CLK3: variants seen among roughly 807,000 people sequenced by gnomAD.
CLK3 encodes dual specificity protein kinase CLK3.
In CLK3, 24 loss-of-function variants were observed where a neutral mutation model predicts 65.2. The observed-to-expected ratio is 0.37, with a 90% CI of 0.27 to 0.52. The LOEUF (loss-of-function observed/expected upper bound fraction) is 0.52. Among genes scored for constraint, CLK3 ranks in the 20% least tolerant of loss-of-function variants. CLK3 has a pLI of 0.92. For missense variants in CLK3, 506 were observed against 660.0 expected (o/e 0.77, Z 2.56); for synonymous variants, 252 against 240.8 (o/e 1.05, Z -0.43).
Position 74,621,910 on chromosome 15 carries a change from C to CT in CLK3, c.370-210_370-209insT, listed in dbSNP as rs1333063520. On this transcript the variant is annotated intron_variant, in intron 3 of 12. Coordinates refer to ENST00000395066, the MANE Select transcript of CLK3 (RefSeq NM_001130028.2). The surrounding 1 kb of genome is among the most constrained non-coding windows in gnomAD (Gnocchi z 4.8). ...GTTTTTACTTTTCTGTTTTTGAAGT[C>CT]AGTTTGTGTCTTGACGTGTCCCTTG... is the stretch of plus-strand genomic sequence containing the variant. The CT allele has an allele frequency of 1.6e-6, 1 of 627,200 alleles. No individual in the cohort carries two copies. Among genetic ancestry groups the CT allele is most frequent in the Non-Finnish European group, 3.0e-6 (1 of 335,448 alleles). 38.9% of individuals were successfully genotyped at this position (627,200 alleles called of 1,614,324 possible). A position where few individuals can be genotyped will look rare whatever the true frequency, so the allele number is the denominator to read the frequency against.
At chr15:74,628,580 T>G (rs754891271) in intron 10 of CLK3, 24 bp from the exon 11 acceptor site, 5 of 1,590,010 alleles carry the variant, frequency 3.1e-6, no homozygotes, top group Non-Finnish European at 4.3e-6. Flanking sequence ...CTGACCCCCT[T>G]GCACTGTCCC....
chr15:74,619,311 C>A lies in CLK3; in HGVS notation c.115C>A (p.Arg39=). 1 of 1,614,124 alleles carries A rather than the reference C, an allele frequency of 6.2e-7. No homozygotes were observed. Among genetic ancestry groups the A allele is most frequent in the Non-Finnish European group, 8.5e-7 (1 of 1,179,988 alleles). Residue 39 remains arginine (R), a synonymous_variant, in exon 2 of 13, where the codon CGA becomes AGA. Coordinates refer to ENST00000395066, the MANE Select transcript of CLK3 (RefSeq NM_001130028.2). The part of the protein sequence containing the change: ...EHEGRLRYPS[R]REPPPRRSRS... ...TGAAGGGAGACTGCGATACCCGTCC[C>A]GAAGGGAGCCTCCCCCACGAAGATC... is the stretch of plus-strand genomic sequence containing the variant.
At chr15:74,619,853 C>T in intron 2 of CLK3, 156 bp from the exon 3 acceptor site, 1 of 1,276,894 alleles carries the variant, frequency 7.8e-7, no homozygotes, top group Non-Finnish European at 1.1e-6. Flanking sequence ...GGCTTAGTAC[C>T]TTTGCACCCT....
chr15:74,609,722 CTCTGCTCTTGGA>C (rs2061964385), intron 1 of CLK3, among the ~76,000 whole-genome samples: 1 of 152,264 alleles, frequency 6.6e-6, no homozygotes, highest in Non-Finnish European at 1.5e-5. Context: ...TCCATCCCAG[CTCTGCTCTTGGA>C]TCTGCAGGCC....
chr15:74,627,496 C>T lies in CLK3; in HGVS notation c.913-43C>T. ...CCCTGTTTCAGGGGTGGGTTACCCG[C>T]TGGTGCAGACTCCTGACCTGGCAGG... On this transcript the variant is annotated intron_variant, in intron 8 of 12. Transcript: ENST00000395066. The surrounding 1 kb of genome is among the most constrained non-coding windows in gnomAD (Gnocchi z 4.3). The T allele has an allele frequency of 6.2e-7, 1 of 1,614,210 alleles. No individual in the cohort carries two copies. Among genetic ancestry groups the T allele is most frequent in the East Asian group, 2.2e-5 (1 of 44,888 alleles).
rs1015638003 is a variant in CLK3 at position 74,621,193 on chromosome 15, G to C, written c.370-927G>C. The C allele has an allele frequency of 6.6e-6, 1 of 152,588 alleles. No individual in the cohort carries two copies. Among genetic ancestry groups the C allele is most frequent in the Non-Finnish European group, 1.5e-5 (1 of 68,318 alleles). 9.5% of individuals were successfully genotyped at this position (152,588 alleles called of 1,614,324 possible). On this transcript the variant is annotated intron_variant, in intron 3 of 12. Coordinates refer to ENST00000395066, the MANE Select transcript of CLK3 (RefSeq NM_001130028.2). The surrounding 1 kb of genome is among the most constrained non-coding windows in gnomAD (Gnocchi z 4.8). The stretch of plus-strand genomic sequence containing the variant: ...GGTTGACTGTGCGGGCGATTGCAGC[G>C]TGGCCCTTTCACCTCTTTGCACACT...
Position 74,624,528 on chromosome 15 carries a change from G to GTC in CLK3, c.534-374_534-373insTC. On this transcript the variant is annotated intron_variant, in intron 5 of 12. Transcript: ENST00000395066. The surrounding 1 kb of genome is among the most constrained non-coding windows in gnomAD (Gnocchi z 4.2). ...AGGCGCCGCAGGAGGGTTCTCGGTG[G>GTC]GACAGCCTGGCCAGGGTTGGGGCTG... The GTC allele has an allele frequency of 1.3e-5, 3 of 225,002 alleles. No individual in the cohort carries two copies. Among genetic ancestry groups the GTC allele is most frequent in the South Asian group, 1.0e-4 (1 of 9,908 alleles). The allele number at this position is 225,002 out of a possible 1,614,324, so 13.9% of individuals were successfully genotyped here. A position where few individuals can be genotyped will look rare whatever the true frequency, so the allele number is the denominator to read the frequency against.
chr15:74,627,508 C>T lies in CLK3; in HGVS notation c.913-31C>T. The T allele has an allele frequency of 6.2e-7, 1 of 1,614,218 alleles. No homozygotes were observed. Among genetic ancestry groups the T allele is most frequent in the Non-Finnish European group, 8.5e-7 (1 of 1,180,032 alleles). ...GGTGGGTTACCCGCTGGTGCAGACT[C>T]CTGACCTGGCAGGCCTGCCTTGCCT... On this transcript the variant is annotated intron_variant, in intron 8 of 12. Coordinates refer to ENST00000395066, the MANE Select transcript of CLK3 (RefSeq NM_001130028.2). The surrounding 1 kb of genome is among the most constrained non-coding windows in gnomAD (Gnocchi z 4.3).
chr15:74,625,043 G>A, intron 6 of CLK3, 25 bp downstream of exon 6: 1 of 1,570,094 alleles, frequency 6.4e-7, no homozygotes, highest in Non-Finnish European at 8.8e-7. Context: ...GGAGTGGGAG[G>A]GAAGCCTTCA....
At position 74,619,991 on chromosome 15, in the gene CLK3, C is replaced by T. The variant is rs1336408520; in HGVS notation, c.153-18C>T. 6.2e-7 allele frequency: 1 copy of T among 1,613,934 alleles called. No homozygotes were observed. Among genetic ancestry groups the T allele is most frequent in the Admixed American group, 1.7e-5 (1 of 60,034 alleles). ...GCAAGGACCCAGCTGACCAGCGTCC[C>T]CATCCCCCTTTTGGCAGCCATGACC... On this transcript the variant is annotated intron_variant, in intron 2 of 12. Transcript: ENST00000395066.
rs142158691 is a variant in CLK3 at position 74,626,058 on chromosome 15, G to A, written c.817+90G>A. The A allele has an allele frequency of 4.3e-5, 60 of 1,406,432 alleles. No individual in the cohort carries two copies. The East Asian group carries it at 9.6e-4, about 23-fold the overall frequency. 87.1% of individuals were successfully genotyped at this position (1,406,432 alleles called of 1,614,324 possible). A position where few individuals can be genotyped will look rare whatever the true frequency, so the allele number is the denominator to read the frequency against. ...TTGTTGTCCCCATTCATTCCAGCAC[G>A]TTACTAACCATTCTCCTGGGCCTGA... On this transcript the variant is annotated intron_variant, in intron 7 of 12. Transcript: ENST00000395066.
chr15:74,616,557 G>A (rs2062061745), intron 1 of CLK3, among the ~76,000 whole-genome samples: 1 of 152,250 alleles, frequency 6.6e-6, no homozygotes. Context: ...CCGGGTGTGG[G>A]TGCCCTGATG....
upstream of CLK3, among the ~76,000 whole-genome samples, chr15:74,614,125 C>CA (rs1313081078): frequency 3.3e-5 from 5 of 152,034 alleles, 1 homozygote; most frequent in Admixed American, 2.0e-4. Flanking sequence ...GTGATTCTCC[C>CA]ACCTCAGCCT....
upstream of CLK3, chr15:74,615,578 C>T (rs1261603799): frequency 7.9e-7 from 1 of 1,265,702 alleles, no homozygotes; most frequent in South Asian, 2.7e-5. Flanking sequence ...CCAGCCGGCC[C>T]GGGCCGCGCA....
chr15:74,611,124 A>G (rs373819906), upstream of CLK3, among the ~76,000 whole-genome samples: 2 of 152,122 alleles, frequency 1.3e-5, no homozygotes, highest in African/African-American at 4.8e-5. Flanking sequence ...CAGTGTCCCT[A>G]GCCACCCCCA....
chr15:74,620,455 G>A (rs2062093057), intron 3 of CLK3: 2 of 637,492 alleles, frequency 3.1e-6, no homozygotes, highest in Non-Finnish European at 5.4e-6. Context: ...CTCTGGCTCC[G>A]ATGCTGGCTG....
chr15:74,623,068 C>A (rs1403985616), intron 5 of CLK3, among the ~76,000 whole-genome samples: 2 of 152,330 alleles, frequency 1.3e-5, no homozygotes, highest in East Asian at 3.9e-4. Context: ...TTCAGTGTGA[C>A]TAGGGTAGTG....
At chr15:74,628,409 C>T (rs1051286282) in intron 10 of CLK3, among the ~76,000 whole-genome samples, 195 bp from the exon 11 acceptor site, 1 of 152,040 alleles carries the variant, frequency 6.6e-6, no homozygotes, top group African/African-American at 2.4e-5. Flanking sequence ...GTAGTCACAG[C>T]CCAGTCCACC....
At chr15:74,625,209 G>C (rs779008658) in intron 6 of CLK3, among the ~76,000 whole-genome samples, 191 bp downstream of exon 6, 1 of 152,200 alleles carries the variant, frequency 6.6e-6, no homozygotes, top group Non-Finnish European at 1.5e-5. Context: ...TCTGTGTCCT[G>C]AGGAAGGCCT....
Sources: allele counts gnomAD v4.1 joint callset (sites outside exome capture counted in the v4.1 genomes callset), GRCh38; gene constraint gnomAD v4.1.1; non-coding constraint Gnocchi (gnomAD v3.1); transcripts MANE v1.5; gene names NCBI Gene and HGNC (gene_info 2026-07-23, HGNC 2026-07-21).